Variants in TENM1 observed in about 807,000 individuals in gnomAD.
TENM1 encodes teneurin transmembrane protein 1, also known as teneurin-1.
Under a neutral mutation model 174.8 loss-of-function variants are expected in TENM1, and 35 were observed. The ratio of observed to expected loss-of-function variants is 0.20; its 90% CI spans 0.15 to 0.27. The LOEUF is 0.27. Among genes scored for constraint, TENM1 ranks in the 10% least tolerant of loss-of-function variants. The pLI is 1.00. For missense variants in TENM1, 1,633 were observed against 2,130.1 expected, an observed-to-expected ratio of 0.77 and a Z score of 4.59; for synonymous variants, 781 against 798.7, an observed-to-expected ratio of 0.98 and a Z score of 0.37.
At chrX:124,733,726 T>A (rs2053612131) in intron 4 of TENM1, among the ~76,000 whole-genome samples, 1 of 112,634 alleles carries the variant, frequency 8.9e-6, no homozygotes, top group Admixed American at 9.4e-5. Flanking sequence ...AAAAAGGTAC[T>A]CTGTTCACTC....
intron 3 of TENM1, among the ~76,000 whole-genome samples, chrX:124,738,700 A>G (rs983061526): frequency 1.8e-5 from 2 of 111,907 alleles, no homozygotes; most frequent in African/African-American, 6.5e-5. Context: ...AATACTTAAC[A>G]TCTCATTAAC....
chrX:125,024,146 C>T, the TENM1 span, among the ~76,000 whole-genome samples: 2 of 111,518 alleles, frequency 1.8e-5, no homozygotes, highest in East Asian at 5.6e-4. Context: ...TAAATTAGTA[C>T]TGCCACTATG....
At chrX:124,723,285 C>A (rs1382501207) in intron 4 of TENM1, among the ~76,000 whole-genome samples, 1 of 112,023 alleles carries the variant, frequency 8.9e-6, no homozygotes, top group African/African-American at 3.2e-5. Flanking sequence ...TTGATAGAGT[C>A]AATGGTCTCT....
At chrX:125,016,907 C>A in the TENM1 span, among the ~76,000 whole-genome samples, 1 of 111,207 alleles carries the variant, frequency 9.0e-6, no homozygotes, top group African/African-American at 3.3e-5. Flanking sequence ...AGAAATAACG[C>A]CACACATCTA....
At chrX:125,026,282 C>T in the TENM1 span, among the ~76,000 whole-genome samples, 10,505 of 109,024 alleles carry the variant, frequency 0.096, 1,275 homozygotes, top group African/African-American at 0.33. Flanking sequence ...TAAACAATAG[C>T]ATGCAAATGC....
intron 15 of TENM1, among the ~76,000 whole-genome samples, chrX:124,544,696 T>G (rs7051517): frequency 0.11 from 11,720 of 111,511 alleles, 762 homozygotes; most frequent in East Asian, 0.58. Context: ...TTACCTAGTA[T>G]AAATTTGGTT....
chrX:124,723,593 T>G (rs1464428948), intron 4 of TENM1, among the ~76,000 whole-genome samples: 1 of 100,929 alleles, frequency 9.9e-6, no homozygotes, highest in African/African-American at 3.8e-5. Flanking sequence ...TCTGGTGGGT[T>G]TTTTTTTTTG....
intron 5 of TENM1, among the ~76,000 whole-genome samples, chrX:124,676,080 C>T (rs189180859): frequency 2.9e-5 from 3 of 104,158 alleles, no homozygotes; most frequent in Non-Finnish European, 4.0e-5. Flanking sequence ...TACCTCAGTA[C>T]GCTAGCCAAC....
chrX:124,796,404 A>G (rs1376916895), intron 3 of TENM1, among the ~76,000 whole-genome samples: 1 of 111,811 alleles, frequency 8.9e-6, no homozygotes, highest in East Asian at 2.8e-4. Flanking sequence ...CCATGGCCAT[A>G]TGCACTACAT....
chrX:124,735,140 T>C (rs953227962), intron 4 of TENM1, among the ~76,000 whole-genome samples: 1 of 111,651 alleles, frequency 9.0e-6, no homozygotes, highest in Non-Finnish European at 1.9e-5. Context: ...AAATAAATAA[T>C]CAACAGAGTA....
At chrX:124,380,743 C>T in exon 32 of TENM1, 1 of 1,211,359 alleles carries the variant, frequency 8.3e-7, no homozygotes, top group Non-Finnish European at 1.1e-6. Flanking sequence ...TAGTCCAGGC[C>T]TGGGCCACTG....
At chrX:124,535,578 T>C (rs1569536626) in intron 15 of TENM1, among the ~76,000 whole-genome samples, 1 of 111,761 alleles carries the variant, frequency 8.9e-6, no homozygotes, top group Non-Finnish European at 1.9e-5. Context: ...CCCAAATAAG[T>C]GTCCATTTCT....
At chrX:124,588,362 TA>T (rs1334601111) in intron 11 of TENM1, among the ~76,000 whole-genome samples, 6 of 111,550 alleles carry the variant, frequency 5.4e-5, no homozygotes, top group Admixed American at 1.9e-4. Flanking sequence ...TATGCAGCCA[TA>T]AAAAAGGATG....
rs372871805 is a variant in TENM1, at chrX:124,578,296, C to T, written c.2078-12736G>A. 8.1e-5 allele frequency among the ~76,000 whole-genome samples: 9 copies of T among 111,678 alleles called. No individual in the cohort carries two copies. In the East Asian group the frequency reaches 8.5e-4, roughly 11 times the overall value. Reference sequence around the variant, plus strand: ...TCCAAGGTTAGGATATTTGGCATTACGCTTTCATTTTCCTTTTGCCTTATG... The same window carrying T: ...TCCAAGGTTAGGATATTTGGCATTATGCTTTCATTTTCCTTTTGCCTTATG... On this transcript the variant is annotated intron_variant, in intron 11 of 31. Transcript: ENST00000422452.
chrX:125,163,897 C>T, the TENM1 span, among the ~76,000 whole-genome samples: 1 of 111,654 alleles, frequency 9.0e-6, no homozygotes, highest in Non-Finnish European at 1.9e-5. Context: ...CTTAGTACTG[C>T]CTGCCAATAT....
intron 19 of TENM1, 82 bp downstream of exon 22, chrX:124,503,478 T>C (rs112075322): frequency 1.1e-6 from 1 of 944,821 alleles, no homozygotes; most frequent in Non-Finnish European, 1.4e-6. Flanking sequence ...TTTTATCTTG[T>C]ACTTTCCAAA....
chrX:124,927,920 A>G (rs762126525), intron 1 of TENM1, among the ~76,000 whole-genome samples: 5 of 112,071 alleles, frequency 4.5e-5, no homozygotes, highest in Non-Finnish European at 9.4e-5. Context: ...ATTTTCATTG[A>G]GGCTGTAGCT....
intron 3 of TENM1, among the ~76,000 whole-genome samples, chrX:124,754,251 C>T (rs1156839479): frequency 9.0e-6 from 1 of 111,392 alleles, no homozygotes; most frequent in Non-Finnish European, 1.9e-5. Context: ...TCCATTTCTT[C>T]TAGATTTTCT....
chrX:124,682,115 T>C (rs1356640242), intron 5 of TENM1, among the ~76,000 whole-genome samples: 1 of 111,459 alleles, frequency 9.0e-6, no homozygotes. Context: ...CTTGACTTAA[T>C]ATACAACAGA....
Sources: gnomAD v4.1 joint callset for allele counts (sites outside exome capture counted in the v4.1 genomes callset) on GRCh38, gnomAD v4.1.1 for gene constraint, MANE v1.5 for transcripts, NCBI Gene and HGNC (gene_info 2026-07-23, HGNC 2026-07-21) for gene names.